Variants in CUL3 observed in about 807,000 individuals in gnomAD.
CUL3 encodes cullin-3.
A neutral mutation model predicts 89.1 loss-of-function variants in CUL3; 19 were observed. That is an observed-to-expected ratio of 0.21 (90% CI 0.15 to 0.31). The LOEUF is 0.31. CUL3 is among the 10% of genes least tolerant of loss of function. CUL3 has a pLI of 1.00. For missense variants in CUL3, 469 were observed against 942.3 expected, an observed-to-expected ratio of 0.50 and a Z score of 6.58; for synonymous variants, 351 against 308.4, an observed-to-expected ratio of 1.14 and a Z score of -1.45.
intron 14 of CUL3, among the ~76,000 whole-genome samples, chr2:224,480,906 C>T (rs1691514715): frequency 6.6e-6 from 1 of 152,074 alleles, no homozygotes; most frequent in Non-Finnish European, 1.5e-5. Context: ...ATGCAGATTA[C>T]TATGATACAG....
intron 6 of CUL3, among the ~76,000 whole-genome samples, chr2:224,510,482 A>T (rs1046760214): frequency 9.2e-5 from 14 of 151,674 alleles, no homozygotes; most frequent in Non-Finnish European, 1.6e-4. Context: ...CCTTTAAAAA[A>T]TTTTTTCATT....
rs2106331290 is a variant in CUL3, at chr2:224,584,954, C to T, written c.56G>A (p.Arg19Gln). 6.7e-7 allele frequency: 1 copy of T among 1,500,584 alleles called. No homozygotes were observed. The highest frequency in any genetic ancestry group is 9.0e-7 in the Non-Finnish European group (1 of 1,113,822). 93.0% of individuals were successfully genotyped at this position (1,500,584 alleles called of 1,614,324 possible). ...CGAGGAGAGACTCACCGGAAAGGCC[C>T]GGATCCGCATCTTGGTGTCCTTCCG... is the stretch of plus-strand genomic sequence containing the variant. ...GSRKDTKMRI[R>Q]AFPMTMDEKY... is the part of the protein sequence containing the mutation. Residue 19 changes from arginine to glutamine, a missense_variant, in exon 1 of 16, where the codon CGG becomes CAG. Physicochemically the swap from Arg to Gln is conservative, Grantham distance 43. Coordinates refer to ENST00000264414, the MANE Select transcript of CUL3 (RefSeq NM_003590.5).
chr2:224,564,053 A>C lies in CUL3; in HGVS notation c.67-6197T>G, dbSNP rs563126426. Among the ~76,000 whole-genome samples, 3 of 152,330 alleles carry C rather than the reference A, an allele frequency of 2.0e-5. No homozygotes were observed. In the East Asian group the frequency reaches 5.8e-4, roughly 29 times the overall value. On this transcript the variant is annotated intron_variant, in intron 1 of 15. Coordinates refer to ENST00000264414, the MANE Select transcript of CUL3 (RefSeq NM_003590.5). ...GTAATCCCAGCACTTTGGGAGGCCC[A>C]GGTGGACAGTTCACTTGAGGCCACA...
At chr2:224,477,511 T>C (rs1691369740) in intron 15 of CUL3, among the ~76,000 whole-genome samples, 1 of 152,242 alleles carries the variant, frequency 6.6e-6, no homozygotes, top group South Asian at 2.1e-4. Context: ...CTAGCCCTCA[T>C]GTCTATTGTC....
intron 3 of CUL3, among the ~76,000 whole-genome samples, chr2:224,522,430 G>A (rs1193763765): frequency 6.6e-6 from 1 of 152,134 alleles, no homozygotes; most frequent in Non-Finnish European, 1.5e-5. Flanking sequence ...ATATGAATTA[G>A]TAAATTGTAC....
chr2:224,530,915 AAACC>A (rs1197046118), intron 3 of CUL3, among the ~76,000 whole-genome samples: 1 of 136,752 alleles, frequency 7.3e-6, no homozygotes, highest in Non-Finnish European at 1.7e-5. Context: ...TCAAAAAACA[AAACC>A]AAACAAACAA....
At chr2:224,527,855 C>T (rs888879678) in intron 3 of CUL3, among the ~76,000 whole-genome samples, 1 of 152,210 alleles carries the variant, frequency 6.6e-6, no homozygotes, top group African/African-American at 2.4e-5. Flanking sequence ...TTCAAAAACG[C>T]TACTATCTTA....
intron 1 of CUL3, among the ~76,000 whole-genome samples, chr2:224,583,173 T>C (rs922076947): frequency 8.6e-5 from 13 of 151,872 alleles, no homozygotes; most frequent in African/African-American, 1.2e-4. Context: ...AGGTCGGGAG[T>C]TCGAGACCAG....
Position 224,584,986 on chromosome 2 carries a change from C to A in CUL3, c.24G>T (p.Thr8=), listed in dbSNP as rs139996986. The A allele has an allele frequency of 1.3e-6, 2 of 1,508,156 alleles. No homozygotes were observed. Among genetic ancestry groups the A allele is most frequent in the Non-Finnish European group, 9.0e-7 (1 of 1,117,246 alleles). The allele number at this position is 1,508,156 out of a possible 1,614,324, so 93.4% of individuals were successfully genotyped here. ...GCATCTTGGTGTCCTTCCGGCTGCC[C>A]GTGCCTTTGCTCAGATTCGACATGG... MSNLSKG[T]GSRKDTKMRI... The change falls in exon 1 of 16, where the codon ACG becomes ACT. Residue 8 remains threonine, a synonymous_variant. Coordinates refer to ENST00000264414, the MANE Select transcript of CUL3 (RefSeq NM_003590.5).
Position 224,470,635 on chromosome 2 carries a change from T to C in CUL3, c.*3610A>G. ...TGGTACCCACTTAAGTATGTAAAAC[T>C]TTCTCTAAGATTGTAGGAGACAAAG... On this transcript the variant is annotated 3_prime_UTR_variant, in exon 16 of 16. Transcript: ENST00000264414. The C allele has an allele frequency of 4.3e-6, 1 of 231,984 alleles. No homozygotes were observed. Among genetic ancestry groups the C allele is most frequent in the Non-Finnish European group, 8.5e-6 (1 of 117,280 alleles). 14.4% of individuals were successfully genotyped at this position (231,984 alleles called of 1,614,324 possible).
At chr2:224,493,219 A>C (rs950223708) in intron 13 of CUL3, among the ~76,000 whole-genome samples, 2 of 152,230 alleles carry the variant, frequency 1.3e-5, no homozygotes, top group African/African-American at 4.8e-5. Flanking sequence ...GGCATTAAAC[A>C]ATACACCATC....
At chr2:224,569,776 C>A in intron 1 of CUL3, 1 of 1,181,910 alleles carries the variant, frequency 8.5e-7, no homozygotes. Flanking sequence ...TTAACATCTA[C>A]TACATACAAA....
At chr2:224,561,988 T>C (rs1028703380) in intron 1 of CUL3, among the ~76,000 whole-genome samples, 11 of 152,352 alleles carry the variant, frequency 7.2e-5, no homozygotes, top group Middle Eastern at 3.4e-3. Context: ...ATACTGCTAA[T>C]AGCTGAGCAA....
At chr2:224,496,877 A>C (rs1372866610) in intron 12 of CUL3, among the ~76,000 whole-genome samples, 2 of 152,112 alleles carry the variant, frequency 1.3e-5, no homozygotes, top group South Asian at 2.1e-4. Flanking sequence ...GGGAAAAAAA[A>C]CCCTCTTTTA....
At chr2:224,504,094 G>A in intron 8 of CUL3, 1 of 275,422 alleles carries the variant, frequency 3.6e-6, no homozygotes, top group South Asian at 1.1e-4. Flanking sequence ...AGGTAATATA[G>A]CGCTGGGTTA....
chr2:224,508,546 A>G (rs1468688072), intron 6 of CUL3, among the ~76,000 whole-genome samples: 1 of 152,252 alleles, frequency 6.6e-6, no homozygotes, highest in Non-Finnish European at 1.5e-5. Context: ...ATTTAGTTGT[A>G]CATAAATTAC....
intron 3 of CUL3, among the ~76,000 whole-genome samples, chr2:224,521,635 T>A (rs1183301722): frequency 2.0e-5 from 3 of 152,018 alleles, no homozygotes; most frequent in Admixed American, 2.0e-4. Context: ...TTCACCATGT[T>A]GGGCCAGGCT....
intron 2 of CUL3, among the ~76,000 whole-genome samples, chr2:224,536,030 C>T (rs1693886398): frequency 6.6e-6 from 1 of 152,172 alleles, no homozygotes; most frequent in African/African-American, 2.4e-5. Flanking sequence ...GTTGAGAATA[C>T]TGATTTTGGA....
chr2:224,481,122 T>C (rs1052547682), intron 14 of CUL3, among the ~76,000 whole-genome samples: 6 of 152,046 alleles, frequency 3.9e-5, no homozygotes, highest in African/African-American at 1.4e-4. Flanking sequence ...ATAAATAACA[T>C]TTTTTTAAAA....
Sources: gnomAD v4.1 joint callset for allele counts (sites outside exome capture counted in the v4.1 genomes callset) on GRCh38, gnomAD v4.1.1 for gene constraint, MANE v1.5 for transcripts, NCBI Gene and HGNC (gene_info 2026-07-23, HGNC 2026-07-21) for gene names.